The following LRMDA variants were observed in gnomAD, a reference collection of about 807,000 sequenced individuals.
LRMDA encodes the protein leucine-rich melanocyte differentiation-associated protein.
In LRMDA, 18 loss-of-function variants were observed where a neutral mutation model predicts 29.8. The ratio of observed to expected loss-of-function variants is 0.60; its 90% CI spans 0.42 to 0.90. The LOEUF (loss-of-function observed/expected upper bound fraction) is 0.90. Among genes scored for constraint, LRMDA ranks in the 40% least tolerant of loss-of-function variants. LRMDA has a pLI of 0.00. For synonymous variants in LRMDA, 125 were observed against 109.4 expected (o/e 1.14, Z -0.89); for missense variants, 273 against 273.9 (o/e 1.00, Z 0.02).
At chr10:75,727,672 CAAAG>C (rs1470243405) in intron 2 of LRMDA, among the ~76,000 whole-genome samples, 2 of 152,302 alleles carry the variant, frequency 1.3e-5, no homozygotes, top group South Asian at 2.1e-4. Context: ...TTTTACATAA[CAAAG>C]AAGATGATAA....
intron 2 of LRMDA, among the ~76,000 whole-genome samples, chr10:75,867,381 G>A (rs1202018734): frequency 1.3e-5 from 2 of 152,118 alleles, no homozygotes; most frequent in Non-Finnish European, 2.9e-5. Flanking sequence ...CAGGGTGGTC[G>A]CGATCTCTTG....
intron 6 of LRMDA, among the ~76,000 whole-genome samples, chr10:76,551,153 CT>C (rs1420033633): frequency 1.3e-5 from 2 of 151,100 alleles, no homozygotes; most frequent in African/African-American, 4.8e-5. Flanking sequence ...GTTCACTGCA[CT>C]TCTCTCTTTT....
At chr10:75,672,569 CCCTTCCCTT>C (rs1841909537) in intron 2 of LRMDA, among the ~76,000 whole-genome samples, 1 of 13,018 alleles carries the variant, frequency 7.7e-5, no homozygotes, top group African/African-American at 3.0e-4. Flanking sequence ...CCCTCCCCTT[CCCTTCCCTT>C]CCCTTCCCTG....
chr10:75,708,660 T>TA (rs899004997), intron 2 of LRMDA, among the ~76,000 whole-genome samples: 24 of 151,234 alleles, frequency 1.6e-4, no homozygotes, highest in African/African-American at 4.9e-4. Context: ...TTGGCTCAAT[T>TA]AAAAAAAAAT....
chr10:75,898,065 C>G (rs1276819900), intron 2 of LRMDA, among the ~76,000 whole-genome samples: 2 of 152,014 alleles, frequency 1.3e-5, no homozygotes, highest in African/African-American at 4.8e-5. Context: ...ACCTCATGAT[C>G]CATCTGCCTT....
At chr10:75,810,374 T>C (rs954792551) in intron 2 of LRMDA, among the ~76,000 whole-genome samples, 2 of 152,146 alleles carry the variant, frequency 1.3e-5, no homozygotes, top group Non-Finnish European at 2.9e-5. Context: ...ATGTCAGAGC[T>C]GTCCAGTTGA....
At chr10:75,609,286 C>A (rs1173728446) in intron 2 of LRMDA, among the ~76,000 whole-genome samples, 1 of 152,148 alleles carries the variant, frequency 6.6e-6, no homozygotes, top group Non-Finnish European at 1.5e-5. Context: ...ACACCCACAC[C>A]CACACTGTTA....
intron 3 of LRMDA, among the ~76,000 whole-genome samples, chr10:76,038,506 A>G (rs1848288664): frequency 6.6e-6 from 1 of 152,224 alleles, no homozygotes; most frequent in Non-Finnish European, 1.5e-5. Flanking sequence ...TTATCAGTGA[A>G]TATTCTGAAT....
intron 5 of LRMDA, among the ~76,000 whole-genome samples, chr10:76,108,372 C>T (rs536597080): frequency 1.8e-4 from 27 of 152,194 alleles, no homozygotes; most frequent in African/African-American, 6.3e-4. Context: ...ATGTACATTA[C>T]GCATGTGTGG....
At chr10:76,448,179 T>C (rs1476788329) in intron 6 of LRMDA, among the ~76,000 whole-genome samples, 1 of 152,176 alleles carries the variant, frequency 6.6e-6, no homozygotes, top group Non-Finnish European at 1.5e-5. Context: ...TTGTCATCTA[T>C]ATTTTGCTTT....
chr10:75,438,520 C>T (rs1224253209), intron 2 of LRMDA, 26 bp downstream of exon 2: 1 of 1,536,534 alleles, frequency 6.5e-7, no homozygotes, highest in African/African-American at 1.4e-5. Flanking sequence ...AAGATGTAGG[C>T]CAGGCCTGGG....
chr10:75,614,860 G>A (rs1841079353), intron 2 of LRMDA, among the ~76,000 whole-genome samples: 1 of 152,054 alleles, frequency 6.6e-6, no homozygotes, highest in South Asian at 2.1e-4. Flanking sequence ...CAAGATAGGA[G>A]GCATGTGCCC....
intron 6 of LRMDA, among the ~76,000 whole-genome samples, chr10:76,528,770 C>T (rs1442381203): frequency 6.6e-6 from 1 of 152,090 alleles, no homozygotes; most frequent in African/African-American, 2.4e-5. Context: ...GTTATGATAT[C>T]ACTAGGAACA....
intron 6 of LRMDA, among the ~76,000 whole-genome samples, chr10:76,416,844 C>T (rs979125487): frequency 6.6e-5 from 10 of 152,152 alleles, no homozygotes; most frequent in Non-Finnish European, 1.3e-4. Flanking sequence ...AGGAAATGTG[C>T]GTGTGCCTGT....
At chr10:75,543,929 T>C (rs1840048337) in intron 2 of LRMDA, among the ~76,000 whole-genome samples, 1 of 152,158 alleles carries the variant, frequency 6.6e-6, no homozygotes, top group African/African-American at 2.4e-5. Flanking sequence ...CTGATACAAG[T>C]GTCGCTGAAT....
chr10:75,878,801 G>A (rs181801192), intron 2 of LRMDA, among the ~76,000 whole-genome samples: 101 of 152,084 alleles, frequency 6.6e-4, no homozygotes, highest in African/African-American at 2.3e-3. Context: ...TGGCTTCCAG[G>A]GCCCCAGGTG....
intron 2 of LRMDA, among the ~76,000 whole-genome samples, chr10:75,952,463 T>C (rs1255664876): frequency 1.3e-5 from 2 of 152,108 alleles, no homozygotes; most frequent in African/African-American, 2.4e-5. Flanking sequence ...AATTCTGAAA[T>C]GGGTTTCTTC....
At chr10:75,924,751 C>T (rs1020139432) in intron 2 of LRMDA, among the ~76,000 whole-genome samples, 1 of 150,822 alleles carries the variant, frequency 6.6e-6, no homozygotes, top group Non-Finnish European at 1.5e-5. Context: ...GGGGTGGGGG[C>T]GCAGAGAGCA....
intron 5 of LRMDA, among the ~76,000 whole-genome samples, chr10:76,310,057 AT>A (rs1327153068): frequency 1.3e-5 from 2 of 152,126 alleles, no homozygotes; most frequent in Non-Finnish European, 2.9e-5. Context: ...TTAGACTGTA[AT>A]TTTTTTCCTC....
Sources: gnomAD v4.1 joint callset for allele counts (sites outside exome capture counted in the v4.1 genomes callset) on GRCh38, gnomAD v4.1.1 for gene constraint, MANE v1.5 for transcripts, NCBI Gene and HGNC (gene_info 2026-07-23, HGNC 2026-07-21) for gene names.